Variants in FHIT observed in about 807,000 individuals in gnomAD.
The protein encoded by FHIT is fragile histidine triad diadenosine triphosphatase.
Under a neutral mutation model 17.9 loss-of-function variants are expected in FHIT, and 19 were observed. The ratio of observed to expected loss-of-function variants is 1.06; its 90% CI spans 0.74 to 1.56. The LOEUF is 1.56. Ranked by LOEUF, FHIT falls within the 40% of genes most tolerant of loss-of-function variation. The probability of loss-of-function intolerance (pLI) is 0.00; values close to 1 mark genes in which losing one functional copy is unlikely to be tolerated. For missense variants in FHIT, 248 were observed against 189.2 expected (o/e 1.31, Z -1.82); for synonymous variants, 81 against 69.7 (o/e 1.16, Z -0.81).
intron 8 of FHIT, among the ~76,000 whole-genome samples, chr3:59,805,657 G>C (rs1474211039): frequency 1.3e-5 from 2 of 152,162 alleles, no homozygotes; most frequent in Non-Finnish European, 2.9e-5. Flanking sequence ...AAATGGAATG[G>C]AACATTGGAA....
At chr3:60,987,953 C>G (rs2029868337) in intron 3 of FHIT, among the ~76,000 whole-genome samples, 1 of 152,154 alleles carries the variant, frequency 6.6e-6, no homozygotes, top group Admixed American at 6.6e-5. Flanking sequence ...CCTTCTTTTC[C>G]ATCCGGATTC....
chr3:61,212,543 G>C (rs1442916383), intron 1 of FHIT, among the ~76,000 whole-genome samples: 1 of 152,232 alleles, frequency 6.6e-6, no homozygotes, highest in Non-Finnish European at 1.5e-5. Context: ...ACCTGAAAGT[G>C]ATGGGGAGAA....
chr3:60,705,991 C>A (rs190936793), intron 4 of FHIT, among the ~76,000 whole-genome samples: 3 of 152,152 alleles, frequency 2.0e-5, no homozygotes, highest in Non-Finnish European at 2.9e-5. Context: ...ATTGTCATGG[C>A]ATCTTTTATT....
At position 61,191,358 on chromosome 3, in the gene FHIT, G is replaced by A. The variant is rs561217982; in HGVS notation, c.-164+9259C>T. Among the ~76,000 whole-genome samples, 33 of 152,112 alleles carry A rather than the reference G, an allele frequency of 2.2e-4. 1 individual carries two copies. Among genetic ancestry groups the A allele is most frequent in the Admixed American group, 2.0e-3 (31 of 15,280 alleles). On this transcript the variant is annotated intron_variant, in intron 2 of 9. Transcript: ENST00000492590. ...TGGGATACATGATCTCATCTTTGCC[G>A]GCCCTCAGACTGGGATTATGCCATT...
At chr3:59,948,690 A>G (rs1706959356) in intron 7 of FHIT, among the ~76,000 whole-genome samples, 1 of 152,200 alleles carries the variant, frequency 6.6e-6, no homozygotes, top group Non-Finnish European at 1.5e-5. Flanking sequence ...ATAACTCATC[A>G]TGGCCTTAAT....
intron 5 of FHIT, among the ~76,000 whole-genome samples, chr3:60,380,399 G>A (rs1388221423): frequency 6.6e-6 from 1 of 152,124 alleles, no homozygotes; most frequent in East Asian, 1.9e-4. Context: ...TGCCATGCTT[G>A]TACACCCTGC....
chr3:59,855,666 A>T (rs1702124124), intron 8 of FHIT, among the ~76,000 whole-genome samples: 1 of 152,252 alleles, frequency 6.6e-6, no homozygotes, highest in South Asian at 2.1e-4. Flanking sequence ...TATTTAGCAA[A>T]AGAAAAACCA....
intron 4 of FHIT, among the ~76,000 whole-genome samples, chr3:60,624,363 T>C (rs1009968250): frequency 1.4e-4 from 22 of 152,200 alleles, no homozygotes; most frequent in African/African-American, 5.1e-4. Flanking sequence ...ACAGGTTGGA[T>C]ATGAAGTTTA....
At chr3:60,399,026 C>T (rs1002553065) in intron 5 of FHIT, among the ~76,000 whole-genome samples, 1 of 152,014 alleles carries the variant, frequency 6.6e-6, no homozygotes, top group Non-Finnish European at 1.5e-5. Flanking sequence ...TTGAAAGATG[C>T]TAACATAACC....
chr3:60,933,869 T>C (rs575077911), intron 3 of FHIT, among the ~76,000 whole-genome samples: 1 of 152,222 alleles, frequency 6.6e-6, no homozygotes, highest in South Asian at 2.1e-4. Context: ...AAGAATCAAA[T>C]GTTGATTTTC....
At chr3:60,286,933 A>G (rs1219011577) in intron 5 of FHIT, among the ~76,000 whole-genome samples, 2 of 152,162 alleles carry the variant, frequency 1.3e-5, no homozygotes, top group African/African-American at 4.8e-5. Flanking sequence ...AGATATTTTT[A>G]TATCTACAGA....
chr3:60,726,046 A>G (rs782594581), intron 4 of FHIT, among the ~76,000 whole-genome samples: 1 of 152,206 alleles, frequency 6.6e-6, no homozygotes, highest in Non-Finnish European at 1.5e-5. Flanking sequence ...GCAAATTCTA[A>G]CAAACAGTAG....
intron 5 of FHIT, among the ~76,000 whole-genome samples, chr3:60,517,470 T>A (rs2035203186): frequency 6.6e-6 from 1 of 152,114 alleles, no homozygotes; most frequent in Admixed American, 6.6e-5. Flanking sequence ...TACACCCACC[T>A]CCCTAAAACT....
At chr3:60,466,829 T>G (rs11918011) in intron 5 of FHIT, among the ~76,000 whole-genome samples, 183 of 150,938 alleles carry the variant, frequency 1.2e-3, no homozygotes, top group African/African-American at 4.3e-3. Flanking sequence ...TGCAGTTTTT[T>G]TTTTTTTTTT....
At chr3:60,806,436 C>T (rs1171682669) in intron 4 of FHIT, among the ~76,000 whole-genome samples, 3 of 152,210 alleles carry the variant, frequency 2.0e-5, no homozygotes, top group African/African-American at 7.2e-5. Flanking sequence ...TCTGAACCAG[C>T]TTCTCATGCC....
intron 2 of FHIT, among the ~76,000 whole-genome samples, chr3:61,080,473 G>GT (rs894929717): frequency 2.6e-4 from 40 of 152,014 alleles, no homozygotes; most frequent in Admixed American, 1.0e-3. Flanking sequence ...GAAAAAAAAA[G>GT]TTTTTTAAAA....
chr3:60,129,297 C>A (rs1392582623), intron 5 of FHIT, among the ~76,000 whole-genome samples: 1 of 152,028 alleles, frequency 6.6e-6, no homozygotes, highest in South Asian at 2.1e-4. Context: ...ATGATCCGAC[C>A]TCTCAAAGTG....
At chr3:60,481,628 G>C (rs1002318587) in intron 5 of FHIT, among the ~76,000 whole-genome samples, 6 of 152,122 alleles carry the variant, frequency 3.9e-5, no homozygotes, top group African/African-American at 1.4e-4. Context: ...CAAATGCTGA[G>C]GGATTTCATC....
chr3:60,117,939 G>T (rs1000945139), intron 5 of FHIT, among the ~76,000 whole-genome samples: 1 of 152,132 alleles, frequency 6.6e-6, no homozygotes, highest in African/African-American at 2.4e-5. Context: ...AATCAGGTCT[G>T]GTTGTGCATC....
Sources: gnomAD v4.1 joint callset for allele counts (sites outside exome capture counted in the v4.1 genomes callset) on GRCh38, gnomAD v4.1.1 for gene constraint, MANE v1.5 for transcripts, NCBI Gene and HGNC (gene_info 2026-07-23, HGNC 2026-07-21) for gene names.